The following HS6ST2 variants were observed in gnomAD, a reference collection of about 807,000 sequenced individuals.
HS6ST2 encodes the protein heparan-sulfate 6-O-sulfotransferase 2.
Under a neutral mutation model 33.0 loss-of-function variants are expected in HS6ST2, and 17 were observed. The observed-to-expected ratio is 0.52, with a 90% confidence interval of 0.35 to 0.77. The LOEUF is 0.77. Among genes scored for constraint, HS6ST2 ranks in the 30% least tolerant of loss-of-function variants. The probability of loss-of-function intolerance (pLI) is 0.01; values close to 1 mark genes in which losing one functional copy is unlikely to be tolerated. For missense variants in HS6ST2, 519 were observed against 551.7 expected (o/e 0.94, Z 0.59); for synonymous variants, 248 against 237.1 (o/e 1.05, Z -0.42).
intron 4 of HS6ST2, among the ~76,000 whole-genome samples, chrX:132,661,444 A>G (rs1185367949): frequency 9.0e-6 from 1 of 111,612 alleles, no homozygotes; most frequent in Non-Finnish European, 1.9e-5. Context: ...ACTATTTACC[A>G]TAGCACCAAA....
chrX:132,629,105 G>A lies in HS6ST2; in HGVS notation c.1068-12C>T. ...TGTAGTGGAAGTTCCTATGGATGAAGCACAAAAACCAACAGTCAGAGATAT... is the reference window on the plus strand; with the variant it reads ...TGTAGTGGAAGTTCCTATGGATGAAACACAAAAACCAACAGTCAGAGATAT... On this transcript the variant is annotated splice_polypyrimidine_tract_variant and intron_variant, in intron 4 of 4. Transcript: ENST00000370833. 1 of 1,182,308 alleles carries A rather than the reference G, an allele frequency of 8.5e-7. No individual in the cohort carries two copies. The highest frequency in any genetic ancestry group is 1.1e-6 in the Non-Finnish European group (1 of 878,522).
intron 3 of HS6ST2, among the ~76,000 whole-genome samples, chrX:132,684,876 C>A (rs781439214): frequency 8.9e-6 from 1 of 112,053 alleles, no homozygotes; most frequent in South Asian, 3.7e-4. Context: ...TCATCATCTA[C>A]TTCCACTATG....
chrX:132,682,884 T>C (rs1244240910), intron 3 of HS6ST2, among the ~76,000 whole-genome samples: 3 of 110,767 alleles, frequency 2.7e-5, no homozygotes, highest in Non-Finnish European at 5.7e-5. Flanking sequence ...TGCAGGATGA[T>C]CGCTTGAGCT....
chrX:132,843,492 A>G (rs1417458530), intron 2 of HS6ST2, among the ~76,000 whole-genome samples: 1 of 111,727 alleles, frequency 9.0e-6, no homozygotes, highest in African/African-American at 3.3e-5. Context: ...TTGGGCATCA[A>G]TGTGATGCCT....
At chrX:132,839,030 G>A (rs2065675678) in intron 2 of HS6ST2, among the ~76,000 whole-genome samples, 1 of 100,991 alleles carries the variant, frequency 9.9e-6, no homozygotes, top group Non-Finnish European at 2.0e-5. Flanking sequence ...ACTGTTGGTG[G>A]GAATGCAAGT....
intron 2 of HS6ST2, among the ~76,000 whole-genome samples, chrX:132,846,802 G>A (rs1212750230): frequency 9.1e-6 from 1 of 110,098 alleles, no homozygotes; most frequent in Non-Finnish European, 1.9e-5. Context: ...TAATTGGGTG[G>A]GAGAAGATAC....
intron 2 of HS6ST2, among the ~76,000 whole-genome samples, chrX:132,810,709 G>A (rs1469320287): frequency 2.7e-5 from 3 of 111,691 alleles, no homozygotes; most frequent in East Asian, 5.6e-4. Flanking sequence ...ATTTCTTCTT[G>A]TTCCCTCATA....
chrX:132,741,946 A>G (rs2064584715), intron 2 of HS6ST2, among the ~76,000 whole-genome samples: 2 of 112,231 alleles, frequency 1.8e-5, no homozygotes, highest in African/African-American at 6.5e-5. Context: ...AAGGATCAAA[A>G]GAGAAAATGT....
chrX:132,640,204 C>T (rs923042783), intron 4 of HS6ST2, among the ~76,000 whole-genome samples: 11 of 107,061 alleles, frequency 1.0e-4, no homozygotes, highest in African/African-American at 3.8e-4. Flanking sequence ...TTGGAGGGGG[C>T]GGGGGCAGAT....
In HS6ST2 at chrX:132,627,921, A is replaced by C. The variant is rs1300894256; in HGVS notation, c.*302T>G. 5.6e-6 allele frequency: 1 copy of C among 179,943 alleles called. No homozygotes were observed. The highest frequency in any genetic ancestry group is 1.1e-4 in the East Asian group (1 of 8,899). The allele number at this position is 179,943 out of a possible 1,213,427, so 14.8% of individuals were successfully genotyped here. A position where few individuals can be genotyped will look rare whatever the true frequency, so the allele number is the denominator to read the frequency against. On this transcript the variant is annotated 3_prime_UTR_variant, in exon 5 of 5. Coordinates refer to ENST00000370833, the MANE Select transcript of HS6ST2 (RefSeq NM_001394073.1). ...CATTTTATGTTTTCACTTTGTCTCC[A>C]TAACTAATTTAAGAACTTCTTAAAA... is the stretch of plus-strand genomic sequence containing the variant.
intron 2 of HS6ST2, among the ~76,000 whole-genome samples, chrX:132,766,286 A>T (rs1435883876): frequency 8.9e-6 from 1 of 112,528 alleles, no homozygotes; most frequent in Non-Finnish European, 1.9e-5. Flanking sequence ...TAACTAACTA[A>T]AATAACAAAT....
rs948658818 is a variant in HS6ST2, at chrX:132,806,658, AACTT to A, written c.948-98168_948-98165del. Among the ~76,000 whole-genome samples, 38 of 109,928 alleles carry A rather than the reference AACTT, an allele frequency of 3.5e-4. 1 individual carries two copies. The highest frequency in any genetic ancestry group is 2.9e-4 in the Non-Finnish European group (15 of 52,112). On this transcript the variant is annotated intron_variant, in intron 2 of 4. Coordinates refer to ENST00000370833, the MANE Select transcript of HS6ST2 (RefSeq NM_001394073.1). ...AGTGAGCACAGTTGTGTTCCAATAAAACTTTATTTATGGACACTGAAATTTGAAT... is the reference window on the plus strand; with the variant it reads ...AGTGAGCACAGTTGTGTTCCAATAAATATTTATGGACACTGAAATTTGAAT...
At chrX:132,874,784 C>T (rs1231103176) in intron 2 of HS6ST2, among the ~76,000 whole-genome samples, 1 of 111,194 alleles carries the variant, frequency 9.0e-6, no homozygotes, top group African/African-American at 3.3e-5. Flanking sequence ...GAATAGAAAA[C>T]CCAAATCCCA....
intron 2 of HS6ST2, among the ~76,000 whole-genome samples, chrX:132,868,732 C>G (rs983805936): frequency 1.8e-5 from 2 of 111,438 alleles, no homozygotes; most frequent in Non-Finnish European, 3.8e-5. Context: ...TTGAAACCGA[C>G]GAGAACAAAG....
intron 3 of HS6ST2, among the ~76,000 whole-genome samples, chrX:132,687,447 G>A (rs867368153): frequency 1.1e-4 from 12 of 110,637 alleles, no homozygotes; most frequent in African/African-American, 1.6e-4. Flanking sequence ...AGGAACAATC[G>A]TACCTAGGGG....
chrX:132,924,401 T>G (rs933712920), intron 2 of HS6ST2, among the ~76,000 whole-genome samples: 1 of 111,740 alleles, frequency 8.9e-6, no homozygotes, highest in East Asian at 2.8e-4. Context: ...GAGGGAAAAA[T>G]TGAATAGAAT....
chrX:132,899,414 T>A (rs755663496), intron 2 of HS6ST2, among the ~76,000 whole-genome samples: 1 of 111,569 alleles, frequency 9.0e-6, no homozygotes, highest in Admixed American at 9.6e-5. Context: ...GAGGAAAGAC[T>A]GGGCATGTTA....
intron 2 of HS6ST2, among the ~76,000 whole-genome samples, chrX:132,809,344 G>A (rs1602701465): frequency 8.9e-6 from 1 of 112,022 alleles, no homozygotes; most frequent in East Asian, 2.8e-4. Flanking sequence ...GATGGTTCAG[G>A]GACCACACTG....
At chrX:132,782,163 C>A (rs2065021754) in intron 2 of HS6ST2, among the ~76,000 whole-genome samples, 1 of 111,964 alleles carries the variant, frequency 8.9e-6, no homozygotes, top group African/African-American at 3.2e-5. Context: ...CTATCTGAAT[C>A]TCCAAAAGGA....
Sources: allele counts gnomAD v4.1 joint callset (sites outside exome capture counted in the v4.1 genomes callset), GRCh38; gene constraint gnomAD v4.1.1; transcripts MANE v1.5; gene names NCBI Gene and HGNC (gene_info 2026-07-23, HGNC 2026-07-21).